The following DIABLO variants were observed in gnomAD, a reference collection of about 807,000 sequenced individuals.
DIABLO encodes diablo homolog, mitochondrial.
In DIABLO, 32 loss-of-function variants were observed where a neutral mutation model predicts 31.7. The ratio of observed to expected loss-of-function variants is 1.01; its 90% confidence interval spans 0.76 to 1.35. DIABLO has a LOEUF of 1.35. DIABLO is among the 40% of genes most tolerant of loss of function. The pLI, the probability that DIABLO is intolerant of heterozygous loss-of-function variation, is 0.00. For synonymous variants in DIABLO, 132 were observed against 103.2 expected (o/e 1.28, Z -1.69); for missense variants, 316 against 286.4 (o/e 1.10, Z -0.75).
intron 1 of DIABLO, chr12:122,224,858 C>A: frequency 6.8e-7 from 1 of 1,473,892 alleles, no homozygotes; most frequent in Non-Finnish European, 9.0e-7. Context: ...AATCCTAGCA[C>A]TTGGAAGGCC....
chr12:122,221,732 T>G (rs938994757), intron 2 of DIABLO: 1 of 152,108 alleles, frequency 6.6e-6, no homozygotes, highest in Non-Finnish European at 1.5e-5. Flanking sequence ...GGAAGTGGCA[T>G]TGCTGTACTA....
At chr12:122,214,732 T>C (rs1954167029) in intron 5 of DIABLO, among the ~76,000 whole-genome samples, 1 of 152,128 alleles carries the variant, frequency 6.6e-6, no homozygotes, top group Admixed American at 6.5e-5. Context: ...TTTTTTTTCT[T>C]GAGACAGAGT....
intron 1 of DIABLO, chr12:122,225,744 G>A: frequency 7.0e-7 from 1 of 1,433,184 alleles, no homozygotes; most frequent in Non-Finnish European, 9.1e-7. Flanking sequence ...TCGGGGACTC[G>A]TTTCTAGAAG....
chr12:122,224,450 G>A (rs547322163), intron 2 of DIABLO, 62 bp downstream of exon 2: 8 of 1,612,284 alleles, frequency 5.0e-6, no homozygotes, highest in Admixed American at 3.3e-5. Context: ...ATGCTTCACC[G>A]CCCACTTGAG....
At chr12:122,219,982 C>A (rs1954300328) in intron 2 of DIABLO, among the ~76,000 whole-genome samples, 1 of 150,022 alleles carries the variant, frequency 6.7e-6, no homozygotes, top group Non-Finnish European at 1.5e-5. Flanking sequence ...CTCACTCTAT[C>A]ACCCAGGCTG....
intron 4 of DIABLO, 60 bp from the exon 5 acceptor site, chr12:122,216,644 CTT>C: frequency 6.4e-7 from 1 of 1,570,764 alleles, no homozygotes; most frequent in Non-Finnish European, 8.8e-7. Context: ...TTTAAATGGA[CTT>C]AAAGTAGTAG....
At chr12:122,225,277 A>T (rs966999620) in intron 1 of DIABLO, 10 of 478,754 alleles carry the variant, frequency 2.1e-5, no homozygotes, top group Admixed American at 5.5e-5. Context: ...AATCCCAGCT[A>T]CTCGGGAGGC....
intron 5 of DIABLO, among the ~76,000 whole-genome samples, chr12:122,211,602 T>C (rs1247087306): frequency 6.6e-6 from 1 of 151,988 alleles, no homozygotes; most frequent in East Asian, 1.9e-4. Context: ...GAAGATGGCT[T>C]GAGCCCAGGT....
rs772377484 is a variant in DIABLO, at chr12:122,208,521, C to T, written c.580G>A (p.Val194Met). Residue 194 changes from valine (V) to methionine (M), a missense_variant, in exon 6 of 6, where the codon GTG (valine) becomes ATG (methionine). By Grantham distance (21) the Val-to-Met change is conservative (BLOSUM62 1). Coordinates refer to ENST00000464942, the MANE Select transcript of DIABLO (RefSeq NM_001371333.1). ...CGGGAGAGCTGGTGCACCTCTTCCA[C>T]CTGCAGTTTCACCAGCTGAATGTGA... Reference protein sequence around the residue: ...RNHIQLVKLQVEEVHQLSRKA... With the variant: ...RNHIQLVKLQMEEVHQLSRKA... 3 of 1,614,114 alleles carry T rather than the reference C, an allele frequency of 1.9e-6. No individual in the cohort carries two copies. The Admixed American group carries it at 5.0e-5, about 27-fold the overall frequency.
At chr12:122,226,862 A>C (rs1954490561), upstream of DIABLO, among the ~76,000 whole-genome samples, 1 of 151,944 alleles carries the variant, frequency 6.6e-6, no homozygotes, top group African/African-American at 2.4e-5. Flanking sequence ...CGCTCCTCCC[A>C]CCACCTCCTG....
chr12:122,218,969 T>C (rs1298867508), intron 2 of DIABLO, among the ~76,000 whole-genome samples: 1 of 130,408 alleles, frequency 7.7e-6, no homozygotes, highest in African/African-American at 3.0e-5. Context: ...GCACGGTGGC[T>C]CACGCCTGTA....
intron 5 of DIABLO, among the ~76,000 whole-genome samples, chr12:122,212,425 T>C (rs945444203): frequency 1.3e-5 from 2 of 151,544 alleles, no homozygotes; most frequent in Non-Finnish European, 2.9e-5. Flanking sequence ...AGGATATCTT[T>C]TATTCTCACT....
intron 5 of DIABLO, chr12:122,209,983 G>A (rs761921930): frequency 2.7e-4 from 154 of 579,658 alleles, no homozygotes; most frequent in Non-Finnish European, 4.5e-4. Context: ...TTGGGCATAT[G>A]TTAAGTGGTT....
At chr12:122,219,644 CAA>C (rs1002241459) in intron 2 of DIABLO, among the ~76,000 whole-genome samples, 7 of 151,008 alleles carry the variant, frequency 4.6e-5, no homozygotes, top group African/African-American at 1.5e-4. Context: ...ATCACAAGGT[CAA>C]GAGATCGAGA....
intron 1 of DIABLO, chr12:122,225,424 T>C: frequency 1.0e-6 from 1 of 997,712 alleles, no homozygotes; most frequent in Non-Finnish European, 1.2e-6. Flanking sequence ...GCCTTTAAAC[T>C]TTTTAGAAAC....
intron 2 of DIABLO, among the ~76,000 whole-genome samples, chr12:122,220,100 C>T (rs953164266): frequency 1.3e-4 from 19 of 151,492 alleles, no homozygotes; most frequent in African/African-American, 3.9e-4. Context: ...CCTGCCACCA[C>T]GCTTTGCTAT....
At position 122,208,308 on chromosome 12, in the gene DIABLO, C is replaced by T; in HGVS notation, c.*73G>A. 2.5e-6 allele frequency: 4 copies of T among 1,569,978 alleles called. No individual in the cohort carries two copies. The South Asian group carries it at 3.3e-5, about 13-fold the overall frequency. Reference sequence around the variant, plus strand: ...CTTCTCGGTGCACAGACAGTCATGCCAACCCTGGGCAGGGTGGCATCTGCC... The same window carrying T: ...CTTCTCGGTGCACAGACAGTCATGCTAACCCTGGGCAGGGTGGCATCTGCC... On this transcript the variant is annotated 3_prime_UTR_variant, in exon 6 of 6. Coordinates refer to ENST00000464942, the MANE Select transcript of DIABLO (RefSeq NM_001371333.1).
At chr12:122,208,914 CAAAGAGATCATGAATA>C (rs2136080870) in intron 5 of DIABLO, 1 of 388,714 alleles carries the variant, frequency 2.6e-6, no homozygotes, top group African/African-American at 2.1e-5. Context: ...TTCTTTTTGA[CAAAGAGATCATGAATA>C]AAATTGTCAA....
chr12:122,221,878 C>T (rs573129950), intron 2 of DIABLO: 1 of 152,104 alleles, frequency 6.6e-6, no homozygotes, highest in African/African-American at 2.4e-5. Flanking sequence ...CAATTGTGGT[C>T]GAAAATAGCC....
Sources: allele counts gnomAD v4.1 joint callset (sites outside exome capture counted in the v4.1 genomes callset), GRCh38; gene constraint gnomAD v4.1.1; transcripts MANE v1.5; gene names NCBI Gene and HGNC (gene_info 2026-07-23, HGNC 2026-07-21).